PPFIBP1: variants seen among roughly 807,000 people sequenced by gnomAD.
PPFIBP1 encodes the protein PPFIB scaffold protein 1.
A neutral mutation model predicts 137.8 loss-of-function variants in PPFIBP1; 112 were observed. The observed-to-expected ratio is 0.81, with a 90% CI of 0.70 to 0.95. PPFIBP1 has a LOEUF of 0.95. Ranked by LOEUF, PPFIBP1 falls within the 40% of genes least tolerant of loss-of-function variation. The probability of loss-of-function intolerance (pLI) is 0.00; values close to 1 mark genes in which losing one functional copy is unlikely to be tolerated. For missense variants in PPFIBP1, 1,083 were observed against 1,196.6 expected (o/e 0.91, Z 1.40); for synonymous variants, 378 against 417.3 (o/e 0.91, Z 1.15).
chr12:27,530,875 A>C (rs60770761), intron 1 of PPFIBP1, among the ~76,000 whole-genome samples: 25,781 of 152,182 alleles, frequency 0.17, 2,421 homozygotes, highest in Middle Eastern at 0.26. Context: ...CAAAGACAAG[A>C]TGCTTGAGGG....
intron 2 of PPFIBP1, among the ~76,000 whole-genome samples, chr12:27,595,261 C>T (rs1190058496): frequency 1.3e-5 from 2 of 152,254 alleles, no homozygotes; most frequent in Non-Finnish European, 2.9e-5. Flanking sequence ...AACACACACA[C>T]GCGCATACAC....
intron 1 of PPFIBP1, among the ~76,000 whole-genome samples, chr12:27,524,774 G>A (rs1322429829): frequency 6.6e-6 from 1 of 151,356 alleles, no homozygotes; most frequent in African/African-American, 2.4e-5. Flanking sequence ...GAAAAAAAAA[G>A]TTTTGTATTT....
chr12:27,530,993 A>G (rs899672161), intron 1 of PPFIBP1, among the ~76,000 whole-genome samples: 3 of 152,172 alleles, frequency 2.0e-5, no homozygotes, highest in African/African-American at 4.8e-5. Flanking sequence ...TAAAATCTCT[A>G]CTTGGTTAAA....
At chr12:27,676,318 C>G in intron 17 of PPFIBP1, 110 bp from the exon 18 acceptor site, 1 of 845,536 alleles carries the variant, frequency 1.2e-6, no homozygotes, top group Non-Finnish European at 1.7e-6. Context: ...TTCAGTTATT[C>G]TTTTGAATAA....
chr12:27,627,589 T>C (rs2056924960), intron 2 of PPFIBP1, among the ~76,000 whole-genome samples: 2 of 152,206 alleles, frequency 1.3e-5, no homozygotes, highest in African/African-American at 2.4e-5. Context: ...AGAAACTTGC[T>C]AATTTTCTTA....
At chr12:27,612,770 A>C (rs1023171557) in intron 2 of PPFIBP1, among the ~76,000 whole-genome samples, 1 of 151,994 alleles carries the variant, frequency 6.6e-6, no homozygotes, top group Non-Finnish European at 1.5e-5. Flanking sequence ...TGTTCCCCCT[A>C]TCCTAAGAGA....
At chr12:27,569,653 G>T (rs945916208) in intron 1 of PPFIBP1, among the ~76,000 whole-genome samples, 2 of 152,106 alleles carry the variant, frequency 1.3e-5, no homozygotes, top group Non-Finnish European at 2.9e-5. Flanking sequence ...CCTCCCAGGG[G>T]GTTCAAGCAA....
intron 11 of PPFIBP1, among the ~76,000 whole-genome samples, chr12:27,664,131 T>G (rs1225693245): frequency 1.3e-5 from 2 of 152,208 alleles, no homozygotes; most frequent in Non-Finnish European, 2.9e-5. Flanking sequence ...GCCCATATGT[T>G]TAATGTATGT....
At chr12:27,666,568 TA>T (rs910351356) in intron 12 of PPFIBP1, among the ~76,000 whole-genome samples, 1 of 151,790 alleles carries the variant, frequency 6.6e-6, no homozygotes, top group Non-Finnish European at 1.5e-5. Context: ...TCTAGAGATG[TA>T]AAAAAAAATT....
intron 1 of PPFIBP1, among the ~76,000 whole-genome samples, chr12:27,577,934 G>T (rs1172448788): frequency 6.6e-6 from 1 of 152,184 alleles, no homozygotes; most frequent in Non-Finnish European, 1.5e-5. Context: ...ACTGAGGAAG[G>T]AAGGGAGAGA....
rs535155349 is a variant in PPFIBP1, at chr12:27,694,537, C to G, written c.*1655C>G. On this transcript the variant is annotated 3_prime_UTR_variant, in exon 30 of 30. Transcript: ENST00000228425. ...GGTTTTTAAAAAGTTGAATATTTGT[C>G]TGAACATTTTATTTCAAAGTTCAAA... The G allele has an allele frequency of 6.6e-4, 101 of 152,182 alleles. 1 individual carries two copies. The highest frequency in any genetic ancestry group is 1.9e-3 in the Admixed American group (29 of 15,288). The allele number at this position is 152,182 out of a possible 1,614,324, so 9.4% of individuals were successfully genotyped here.
chr12:27,626,603 A>G (rs992329916), intron 2 of PPFIBP1, among the ~76,000 whole-genome samples: 6 of 151,446 alleles, frequency 4.0e-5, no homozygotes, highest in African/African-American at 1.2e-4. Context: ...GTCTCACTCT[A>G]TCGCCCAGGC....
At chr12:27,587,991 T>C (rs1364774890) in intron 2 of PPFIBP1, among the ~76,000 whole-genome samples, 1 of 152,202 alleles carries the variant, frequency 6.6e-6, no homozygotes, top group Non-Finnish European at 1.5e-5. Context: ...CTGTCTTTTT[T>C]GTGTTTCCTT....
Position 27,691,878 on chromosome 12 carries a change from G to C in PPFIBP1, c.2815G>C (p.Gly939Arg), listed in dbSNP as rs1331131358. 6.2e-7 allele frequency: 1 copy of C among 1,613,888 alleles called. No individual in the cohort carries two copies. Among genetic ancestry groups the C allele is most frequent in the Admixed American group, 1.7e-5 (1 of 60,000 alleles). Reference protein sequence around the residue: ...GSASKKGFKPGLDMRLYEEDD... With the variant: ...GSASKKGFKPRLDMRLYEEDD... ...TGCATCTAAGAAAGGATTTAAACCT[G>C]GTTTGGATATGCGCCTGTATGAGGA... The change falls in exon 28 of 30, where the codon GGT (glycine) becomes CGT (arginine). Residue 939 changes from glycine (G) to arginine (R), a missense_variant. Physicochemically the swap from Gly to Arg is moderately radical, Grantham distance 125 (BLOSUM62 -2). Coordinates refer to ENST00000228425, the MANE Select transcript of PPFIBP1 (RefSeq NM_003622.4).
intron 1 of PPFIBP1, among the ~76,000 whole-genome samples, chr12:27,569,987 C>G (rs1348733322): frequency 6.6e-6 from 1 of 152,190 alleles, no homozygotes; most frequent in Non-Finnish European, 1.5e-5. Flanking sequence ...CATTTACCAT[C>G]CCTCTAATAA....
At chr12:27,543,404 T>G (rs1565736054) in intron 1 of PPFIBP1, among the ~76,000 whole-genome samples, 1 of 152,206 alleles carries the variant, frequency 6.6e-6, no homozygotes, top group Non-Finnish European at 1.5e-5. Context: ...AGAAATCAAC[T>G]TAGTATTAGA....
At chr12:27,577,902 G>A (rs2050705914) in intron 1 of PPFIBP1, among the ~76,000 whole-genome samples, 1 of 152,118 alleles carries the variant, frequency 6.6e-6, no homozygotes, top group South Asian at 2.1e-4. Context: ...AGTCATCAGG[G>A]AATATTTGAG....
intron 12 of PPFIBP1, among the ~76,000 whole-genome samples, chr12:27,666,884 C>T (rs1201417802): frequency 2.0e-5 from 3 of 152,134 alleles, no homozygotes; most frequent in Admixed American, 6.5e-5. Flanking sequence ...AAAAAGTTAA[C>T]TTTTAATTTT....
chr12:27,528,126 T>G (rs1943989288), intron 1 of PPFIBP1, among the ~76,000 whole-genome samples: 1 of 152,086 alleles, frequency 6.6e-6, no homozygotes, highest in Admixed American at 6.5e-5. Flanking sequence ...TTTTTGTATT[T>G]TTAGTAGAGA....
Sources: gnomAD v4.1 joint callset for allele counts (sites outside exome capture counted in the v4.1 genomes callset) on GRCh38, gnomAD v4.1.1 for gene constraint, MANE v1.5 for transcripts, NCBI Gene and HGNC (gene_info 2026-07-23, HGNC 2026-07-21) for gene names.